RAI1: variants seen among roughly 807,000 people sequenced by gnomAD.
The protein encoded by RAI1 is retinoic acid-induced protein 1.
Under a neutral mutation model 123.8 loss-of-function variants are expected in RAI1, and 9 were observed. The ratio of observed to expected loss-of-function variants is 0.07; its 90% CI spans 0.04 to 0.13. RAI1 has a LOEUF of 0.13. Among genes scored for constraint, RAI1 ranks in the 10% least tolerant of loss-of-function variants. RAI1 has a pLI of 1.00. For missense variants in RAI1, 2,256 were observed against 2,545.8 expected (o/e 0.89, Z 2.45); for synonymous variants, 1,231 against 1,127.3 (o/e 1.09, Z -1.84).
chr17:17,684,023 G>A (rs1048597683), intron 1 of RAI1: 15 of 152,110 alleles, frequency 9.9e-5, no homozygotes, highest in African/African-American at 3.6e-4. Context: ...ACAGGCGCCC[G>A]ACACCACACG....
intron 1 of RAI1, among the ~76,000 whole-genome samples, chr17:17,699,391 C>T (rs549230733): frequency 1.6e-4 from 25 of 152,190 alleles, no homozygotes; most frequent in South Asian, 2.1e-4. Flanking sequence ...CCACCTGGAT[C>T]GAAGAAAGCC....
Position 17,795,848 on chromosome 17 carries a change from C to T in RAI1, c.2900C>T (p.Thr967Ile). ...GAGCGAGCTCCAGGGGATTCCACCACCTCGGACGCCTCTCTGGCCCAGAAG... is the reference window on the plus strand; with the variant it reads ...GAGCGAGCTCCAGGGGATTCCACCATCTCGGACGCCTCTCTGGCCCAGAAG... ...DGERAPGDST[T>I]SDASLAQKPN... Residue 967 changes from threonine (T) to isoleucine (I), a missense_variant, in exon 3 of 6, where the codon ACC becomes ATC. By Grantham distance (89) the Thr-to-Ile change is moderately conservative. Transcript: ENST00000353383. This position sits in a 1 kb window ranked among gnomAD's most constrained non-coding sequence, Gnocchi z 5.9. 1 of 1,613,246 alleles carries T rather than the reference C, an allele frequency of 6.2e-7. No individual in the cohort carries two copies. The highest frequency in any genetic ancestry group is 8.5e-7 in the Non-Finnish European group (1 of 1,180,000).
chr17:17,735,497 G>A (rs530095032), intron 2 of RAI1, among the ~76,000 whole-genome samples: 18 of 151,688 alleles, frequency 1.2e-4, no homozygotes, highest in African/African-American at 4.4e-4. Flanking sequence ...GGGACTACAG[G>A]CGTGCGCCAC....
At chr17:17,737,522 G>A (rs568958362) in intron 2 of RAI1, among the ~76,000 whole-genome samples, 7 of 152,288 alleles carry the variant, frequency 4.6e-5, no homozygotes, top group African/African-American at 1.7e-4. Flanking sequence ...TGGGGTCCTG[G>A]CAGCCTCTAG....
At chr17:17,771,550 G>A (rs1032452099) in intron 2 of RAI1, among the ~76,000 whole-genome samples, 79 of 152,206 alleles carry the variant, frequency 5.2e-4, no homozygotes, top group East Asian at 3.8e-4. Context: ...GTGTTTGCCC[G>A]AAAAGGAGAC....
At chr17:17,777,791 C>G (rs1391893864) in intron 2 of RAI1, 1 of 152,234 alleles carries the variant, frequency 6.6e-6, no homozygotes, top group Non-Finnish European at 1.5e-5. Context: ...GAAGTGATTG[C>G]AAGTTCAGCA....
At chr17:17,691,035 A>G (rs1598013612) in intron 1 of RAI1, among the ~76,000 whole-genome samples, 1 of 152,216 alleles carries the variant, frequency 6.6e-6, no homozygotes, top group African/African-American at 2.4e-5. Flanking sequence ...TGAAATTTCT[A>G]CATGATCATG....
At chr17:17,807,428 TC>T (rs949229089) in intron 4 of RAI1, among the ~76,000 whole-genome samples, 4 of 152,190 alleles carry the variant, frequency 2.6e-5, no homozygotes, top group Non-Finnish European at 5.9e-5. Context: ...GGCCTACTCA[TC>T]CTGCCCCCTT....
At chr17:17,780,988 T>TC (rs1202908945) in intron 2 of RAI1, among the ~76,000 whole-genome samples, 2 of 151,704 alleles carry the variant, frequency 1.3e-5, no homozygotes, top group African/African-American at 4.8e-5. Context: ...CCTCACCCCC[T>TC]CCCCTCCCAG....
intron 2 of RAI1, among the ~76,000 whole-genome samples, chr17:17,746,941 G>C (rs919703871): frequency 6.6e-6 from 1 of 152,128 alleles, no homozygotes; most frequent in Non-Finnish European, 1.5e-5. Flanking sequence ...AGCCCCATGT[G>C]TTTTCTGAGG....
Position 17,810,712 on chromosome 17 carries a change from C to G in RAI1, c.*731C>G. 1 of 422,140 alleles carries G rather than the reference C, an allele frequency of 2.4e-6. No homozygotes were observed. 26.1% of individuals were successfully genotyped at this position (422,140 alleles called of 1,614,324 possible). On this transcript the variant is annotated 3_prime_UTR_variant, in exon 6 of 6. Coordinates refer to ENST00000353383, the MANE Select transcript of RAI1 (RefSeq NM_030665.4). The surrounding 1 kb of genome is among the most constrained non-coding windows in gnomAD (Gnocchi z 4.6). The stretch of plus-strand genomic sequence containing the variant: ...TGGGCGGGACTGGGACACCCTTTGG[C>G]CTCTGTTTGTCCCCTTTCCAGTCCT...
At chr17:17,682,992 G>A (rs1208239655) in intron 1 of RAI1, among the ~76,000 whole-genome samples, 1 of 151,896 alleles carries the variant, frequency 6.6e-6, no homozygotes, top group Non-Finnish European at 1.5e-5. Flanking sequence ...CTCCCGCGCC[G>A]CCTTCCCCGC....
rs180986983 is a variant in RAI1 at position 17,784,899 on chromosome 17, T to C, written c.-16-8034T>C. 3.3e-3 allele frequency among the ~76,000 whole-genome samples: 504 copies of C among 152,258 alleles called. 4 individuals are homozygous for C. Among genetic ancestry groups the C allele is most frequent in the African/African-American group, 0.011 (475 of 41,536 alleles). ...ACTGCAGGGGTCCCCATTTGCTCTT[T>C]GCAGCCCCCCAGTCCCACCCAGGCT... On this transcript the variant is annotated intron_variant, in intron 2 of 5. Coordinates refer to ENST00000353383, the MANE Select transcript of RAI1 (RefSeq NM_030665.4).
chr17:17,735,353 C>G (rs9916677), intron 2 of RAI1, among the ~76,000 whole-genome samples: 1 of 132,434 alleles, frequency 7.6e-6, no homozygotes, highest in Non-Finnish European at 1.6e-5. Context: ...AATGCCCAGC[C>G]TTTTTTTTTT....
rs1376120811 is a variant in RAI1, at chr17:17,801,259, T to G, written c.5566-2497T>G. Among the ~76,000 whole-genome samples the G allele has an allele frequency of 3.3e-5, 5 of 152,076 alleles. No homozygotes were observed. Among genetic ancestry groups the G allele is most frequent in the Admixed American group, 3.3e-4 (5 of 15,266 alleles). On this transcript the variant is annotated intron_variant, in intron 3 of 5. Transcript: ENST00000353383. The surrounding 1 kb of genome is among the most constrained non-coding windows in gnomAD (Gnocchi z 4.1). ...GAATGCTTGGGGTGAGAGGGACCCATAGCGGGCTCCGGGCATTGTTAGGGG... is the reference window on the plus strand; with the variant it reads ...GAATGCTTGGGGTGAGAGGGACCCAGAGCGGGCTCCGGGCATTGTTAGGGG...
At chr17:17,748,116 A>G (rs1476160045) in intron 2 of RAI1, among the ~76,000 whole-genome samples, 1 of 152,190 alleles carries the variant, frequency 6.6e-6, no homozygotes, top group Admixed American at 6.5e-5. Context: ...CATGTCTTAC[A>G]TGGTGGCAGG....
chr17:17,746,609 G>C (rs1278771714), intron 2 of RAI1, among the ~76,000 whole-genome samples: 2 of 144,784 alleles, frequency 1.4e-5, no homozygotes, highest in Non-Finnish European at 3.1e-5. Flanking sequence ...CACCATATGT[G>C]TTTTCTTTTT....
chr17:17,784,623 G>C (rs967311371), intron 2 of RAI1, among the ~76,000 whole-genome samples: 2 of 152,322 alleles, frequency 1.3e-5, no homozygotes, highest in South Asian at 2.1e-4. Context: ...GGAGAGGGGG[G>C]GTGTAGGCAG....
intron 2 of RAI1, among the ~76,000 whole-genome samples, chr17:17,754,795 G>T (rs1216985346): frequency 6.6e-6 from 1 of 152,216 alleles, no homozygotes; most frequent in African/African-American, 2.4e-5. Flanking sequence ...ATAGGGCAAG[G>T]GTGCAAGGCC....
Sources: gnomAD v4.1 joint callset for allele counts (sites outside exome capture counted in the v4.1 genomes callset) on GRCh38, gnomAD v4.1.1 for gene constraint, Gnocchi (gnomAD v3.1) non-coding constraint, MANE v1.5 for transcripts, NCBI Gene and HGNC (gene_info 2026-07-23, HGNC 2026-07-21) for gene names.